NPAS3: variants seen among roughly 807,000 people sequenced by gnomAD.
The protein encoded by NPAS3 is neuronal PAS domain protein 3.
Under a neutral mutation model 73.1 loss-of-function variants are expected in NPAS3, and 14 were observed. That is an observed-to-expected ratio of 0.19 (90% CI 0.13 to 0.30). The LOEUF is 0.30. Ranked by LOEUF, NPAS3 falls within the 10% of genes least tolerant of loss-of-function variation. The probability of loss-of-function intolerance (pLI) is 1.00; values close to 1 mark genes in which losing one functional copy is unlikely to be tolerated. For missense variants in NPAS3, 1,096 were observed against 1,250.0 expected, an observed-to-expected ratio of 0.88 and a Z score of 1.86; for synonymous variants, 620 against 541.5, an observed-to-expected ratio of 1.14 and a Z score of -2.01.
At chr14:33,149,796 A>G (rs1037892867) in intron 2 of NPAS3, among the ~76,000 whole-genome samples, 8 of 152,056 alleles carry the variant, frequency 5.3e-5, no homozygotes, top group African/African-American at 1.7e-4. Flanking sequence ...GCATTTTTTT[A>G]TTATTATACT....
chr14:33,115,263 C>T (rs964426869), intron 2 of NPAS3, among the ~76,000 whole-genome samples: 3 of 152,032 alleles, frequency 2.0e-5, no homozygotes, highest in Non-Finnish European at 4.4e-5. Context: ...CGTTTCAACA[C>T]AGTGGAAGGA....
intron 1 of NPAS3, among the ~76,000 whole-genome samples, chr14:32,944,714 G>A (rs1357664570): frequency 6.6e-6 from 1 of 152,202 alleles, no homozygotes; most frequent in African/African-American, 2.4e-5. Context: ...ATACTACAAT[G>A]CATAAACAGG....
intron 4 of NPAS3, among the ~76,000 whole-genome samples, chr14:33,389,837 T>C (rs2046925101): frequency 6.6e-6 from 1 of 152,212 alleles, no homozygotes; most frequent in African/African-American, 2.4e-5. Flanking sequence ...CCTCTCTTTA[T>C]GTGTGTTCAT....
chr14:33,460,369 C>T (rs1257871911), intron 4 of NPAS3, among the ~76,000 whole-genome samples: 1 of 152,144 alleles, frequency 6.6e-6, no homozygotes, highest in Non-Finnish European at 1.5e-5. Flanking sequence ...TGGCTACCAA[C>T]ATTAAAAGAA....
At chr14:33,518,542 A>G (rs938576659) in intron 4 of NPAS3, among the ~76,000 whole-genome samples, 62 of 151,840 alleles carry the variant, frequency 4.1e-4, no homozygotes, top group Admixed American at 4.0e-3. Context: ...TCACTCTGCA[A>G]TATATCTGTT....
At chr14:33,612,348 C>T (rs192207379) in intron 5 of NPAS3, 22 of 452,344 alleles carry the variant, frequency 4.9e-5, no homozygotes, top group Admixed American at 1.4e-4. Flanking sequence ...TCTTTATCAT[C>T]GCCCACATTC....
At chr14:33,630,714 A>G (rs2058354179) in intron 5 of NPAS3, among the ~76,000 whole-genome samples, 1 of 152,216 alleles carries the variant, frequency 6.6e-6, no homozygotes, top group East Asian at 1.9e-4. Flanking sequence ...TTGTCAAATA[A>G]TGAATCAATA....
At chr14:33,266,776 A>T (rs557735898) in intron 3 of NPAS3, among the ~76,000 whole-genome samples, 1 of 152,274 alleles carries the variant, frequency 6.6e-6, no homozygotes, top group Admixed American at 6.5e-5. Context: ...TTTATAGAGC[A>T]CTGTTAATGG....
chr14:33,522,926 G>T (rs1397229989), intron 4 of NPAS3, among the ~76,000 whole-genome samples: 1 of 152,056 alleles, frequency 6.6e-6, no homozygotes, highest in Non-Finnish European at 1.5e-5. Flanking sequence ...ATATAATATG[G>T]AACTGTGTAA....
rs140846585 is a variant in NPAS3 at position 33,029,912 on chromosome 14, T to G, written c.51-25993T>G. ...GCCAATTTATACATTGTGTACTTGT[T>G]GATATTGTTGGTTTAATAGTGGCAG... On this transcript the variant is annotated intron_variant, in intron 1 of 11. Coordinates refer to ENST00000356141, the Ensembl canonical transcript of NPAS3. Among the ~76,000 whole-genome samples the G allele has an allele frequency of 9.8e-5, 15 of 152,320 alleles. No homozygotes were observed. In the East Asian group the frequency reaches 2.9e-3, roughly 29 times the overall value.
At chr14:33,640,140 C>G (rs2058636350) in intron 5 of NPAS3, among the ~76,000 whole-genome samples, 1 of 152,012 alleles carries the variant, frequency 6.6e-6, no homozygotes, top group Non-Finnish European at 1.5e-5. Flanking sequence ...TCACTTGAAC[C>G]CAGGAGTCGA....
intron 6 of NPAS3, among the ~76,000 whole-genome samples, chr14:33,683,293 A>G (rs2059992162): frequency 6.6e-6 from 1 of 151,860 alleles, no homozygotes; most frequent in African/African-American, 2.4e-5. Flanking sequence ...TATTTTTAAC[A>G]GTTTTTTCAT....
intron 7 of NPAS3, among the ~76,000 whole-genome samples, chr14:33,773,898 A>G (rs1435933412): frequency 8.5e-5 from 13 of 152,196 alleles, no homozygotes; most frequent in Non-Finnish European, 1.3e-4. Context: ...CAACCCCTGA[A>G]CGAAGGAGGG....
intron 2 of NPAS3, among the ~76,000 whole-genome samples, chr14:33,208,030 G>A (rs1417884212): frequency 6.6e-6 from 1 of 152,004 alleles, no homozygotes; most frequent in Non-Finnish European, 1.5e-5. Context: ...AGAAATTTAA[G>A]GTGTGAAATA....
chr14:33,750,534 A>G (rs1202393156), intron 7 of NPAS3, among the ~76,000 whole-genome samples: 2 of 152,162 alleles, frequency 1.3e-5, no homozygotes, highest in Non-Finnish European at 2.9e-5. Context: ...TTACATCTAC[A>G]TAGTGGAAAG....
At chr14:33,103,519 C>T (rs973861017) in intron 2 of NPAS3, among the ~76,000 whole-genome samples, 5 of 152,138 alleles carry the variant, frequency 3.3e-5, no homozygotes, top group South Asian at 2.1e-4. Context: ...CCATTTATAG[C>T]GATGATCCAG....
chr14:33,699,288 G>A (rs1414939456), intron 6 of NPAS3, among the ~76,000 whole-genome samples: 1 of 151,786 alleles, frequency 6.6e-6, no homozygotes, highest in East Asian at 1.9e-4. Context: ...TAAGTAAAAG[G>A]GAAATAATTT....
At chr14:33,111,329 A>G (rs549274729) in intron 2 of NPAS3, among the ~76,000 whole-genome samples, 2 of 152,312 alleles carry the variant, frequency 1.3e-5, no homozygotes, top group East Asian at 1.9e-4. Flanking sequence ...GGTAGAGCGT[A>G]GAACGGTGAT....
chr14:33,045,345 T>G (rs2040473816), intron 1 of NPAS3, among the ~76,000 whole-genome samples: 4 of 152,160 alleles, frequency 2.6e-5, no homozygotes, highest in African/African-American at 9.7e-5. Context: ...TGTTTCCTCC[T>G]CCCCACCTTT....
Sources: gnomAD v4.1 joint callset for allele counts (sites outside exome capture counted in the v4.1 genomes callset) on GRCh38, gnomAD v4.1.1 for gene constraint, MANE v1.5 for transcripts, NCBI Gene and HGNC (gene_info 2026-07-23, HGNC 2026-07-21) for gene names.